C1GALT1: variants seen among roughly 807,000 people sequenced by gnomAD.
C1GALT1 encodes the protein glycoprotein-N-acetylgalactosamine 3-beta-galactosyltransferase 1.
Under a neutral mutation model 31.0 loss-of-function variants are expected in C1GALT1, and 11 were observed. That is an observed-to-expected ratio of 0.36 (90% CI 0.22 to 0.59). The LOEUF (loss-of-function observed/expected upper bound fraction) is 0.59, where lower values mean the gene tolerates loss of function less well. Ranked by LOEUF, C1GALT1 falls within the 20% of genes least tolerant of loss-of-function variation. The pLI is 0.79. For missense variants in C1GALT1, 424 were observed against 425.2 expected, an observed-to-expected ratio of 1.00 and a Z score of 0.03; for synonymous variants, 175 against 143.6, an observed-to-expected ratio of 1.22 and a Z score of -1.56.
intron 1 of C1GALT1, among the ~76,000 whole-genome samples, chr7:7,227,241 T>C (rs1157798742): frequency 1.3e-5 from 2 of 152,208 alleles, no homozygotes; most frequent in Non-Finnish European, 2.9e-5. Flanking sequence ...TGTAGGGTTA[T>C]GGTTTGAATA....
chr7:7,229,395 C>G (rs898032536), intron 1 of C1GALT1, among the ~76,000 whole-genome samples: 1 of 152,154 alleles, frequency 6.6e-6, no homozygotes, highest in African/African-American at 2.4e-5. Flanking sequence ...TCGTATTCTG[C>G]TTGTCTTCCT....
At chr7:7,225,562 T>TTTTG (rs1467899941) in intron 1 of C1GALT1, among the ~76,000 whole-genome samples, 2 of 152,226 alleles carry the variant, frequency 1.3e-5, no homozygotes, top group African/African-American at 2.4e-5. Context: ...ATAAATTTAT[T>TTTTG]TTTGTTTGTT....
At chr7:7,178,933 G>C (rs898285057), upstream of C1GALT1, among the ~76,000 whole-genome samples, 3 of 152,180 alleles carry the variant, frequency 2.0e-5, no homozygotes, top group African/African-American at 7.2e-5. Context: ...CACCTTAGCT[G>C]AATGGTTCTG....
intron 1 of C1GALT1, among the ~76,000 whole-genome samples, chr7:7,216,695 A>T (rs964416343): frequency 2.6e-5 from 4 of 152,222 alleles, no homozygotes; most frequent in African/African-American, 9.6e-5. Context: ...GACAGAATAG[A>T]TGCCTTAAAA....
At chr7:7,222,269 T>TA (rs1238370661) in intron 1 of C1GALT1, among the ~76,000 whole-genome samples, 1 of 152,246 alleles carries the variant, frequency 6.6e-6, no homozygotes, top group East Asian at 1.9e-4. Context: ...ATCAAACTTT[T>TA]ATATTAAAGA....
intron 3 of C1GALT1, among the ~76,000 whole-genome samples, chr7:7,239,537 A>G (rs776738200): frequency 6.6e-6 from 1 of 152,208 alleles, no homozygotes; most frequent in Non-Finnish European, 1.5e-5. Flanking sequence ...CTTGGATGAC[A>G]TCTGAGCTTC....
At chr7:7,188,637 C>T (rs889146082) in intron 1 of C1GALT1, among the ~76,000 whole-genome samples, 4 of 152,038 alleles carry the variant, frequency 2.6e-5, no homozygotes, top group Non-Finnish European at 4.4e-5. Context: ...AGTGCTAGTT[C>T]CCAGAGATAG....
At chr7:7,167,593 T>C (rs1780412139) in intron 2 of C1GALT1, among the ~76,000 whole-genome samples, 1 of 152,094 alleles carries the variant, frequency 6.6e-6, no homozygotes, top group Non-Finnish European at 1.5e-5. Flanking sequence ...TGTTCATTTT[T>C]TTTTTCTCCA....
At chr7:7,190,457 C>T (rs907322971) in intron 1 of C1GALT1, among the ~76,000 whole-genome samples, 1 of 152,126 alleles carries the variant, frequency 6.6e-6, no homozygotes, top group African/African-American at 2.4e-5. Context: ...TATAAAATTT[C>T]AAATAACATA....
chr7:7,167,011 T>G (rs1202167169), intron 2 of C1GALT1, among the ~76,000 whole-genome samples: 1 of 152,150 alleles, frequency 6.6e-6, no homozygotes, highest in Non-Finnish European at 1.5e-5. Context: ...ATTTTATGAT[T>G]TGAATTGAGG....
intron 1 of C1GALT1, among the ~76,000 whole-genome samples, chr7:7,201,830 A>T (rs112492884): frequency 0.027 from 4,139 of 152,112 alleles, 106 homozygotes; most frequent in African/African-American, 0.071. Flanking sequence ...TGCTTTCTGC[A>T]CTGCCTGTTT....
intron 3 of C1GALT1, among the ~76,000 whole-genome samples, chr7:7,241,204 ATAT>A (rs1459725937): frequency 6.6e-6 from 1 of 152,040 alleles, no homozygotes; most frequent in Admixed American, 6.6e-5. Context: ...TATCTGAAAC[ATAT>A]TAGTACATAA....
rs1783917354 is a variant in C1GALT1, at chr7:7,248,032, A to G, written c.*4305A>G. On this transcript the variant is annotated 3_prime_UTR_variant, in exon 4 of 4. Transcript: ENST00000436587. ...CCCTTTTCTCAAAAACAACAACAAA[A>G]AACAAAACTCATTTTATTTTTCTAC... 6.6e-6 allele frequency: 1 copy of G among 152,066 alleles called. No individual in the cohort carries two copies. Among genetic ancestry groups the G allele is most frequent in the Non-Finnish European group, 1.5e-5 (1 of 67,920 alleles). 9.4% of individuals were successfully genotyped at this position (152,066 alleles called of 1,614,324 possible). A position where few individuals can be genotyped will look rare whatever the true frequency, so the allele number is the denominator to read the frequency against.
chr7:7,163,424 C>G (rs1780359526), intron 2 of C1GALT1, among the ~76,000 whole-genome samples: 1 of 152,172 alleles, frequency 6.6e-6, no homozygotes, highest in South Asian at 2.1e-4. Context: ...GATGCCCTCT[C>G]TCACCACTCC....
intron 1 of C1GALT1, 48 bp from the exon 2 acceptor site, chr7:7,234,255 G>A (rs1053608739): frequency 1.5e-6 from 2 of 1,376,926 alleles, no homozygotes; most frequent in Non-Finnish European, 2.0e-6. Context: ...CTCCGGTTAT[G>A]TATACAGCTT....
chr7:7,218,426 ATAG>A (rs1410748542), intron 1 of C1GALT1, among the ~76,000 whole-genome samples: 1 of 152,202 alleles, frequency 6.6e-6, no homozygotes, highest in Non-Finnish European at 1.5e-5. Flanking sequence ...TTGTTTGCAG[ATAG>A]TAGTAAAATT....
At chr7:7,182,391 G>C (rs1583735838), upstream of C1GALT1, among the ~76,000 whole-genome samples, 1 of 152,194 alleles carries the variant, frequency 6.6e-6, no homozygotes, top group South Asian at 2.1e-4. Flanking sequence ...TCTACTGCTC[G>C]TGCAAGATCC....
intron 1 of C1GALT1, among the ~76,000 whole-genome samples, chr7:7,201,792 G>A (rs994965154): frequency 6.6e-6 from 1 of 152,142 alleles, no homozygotes; most frequent in African/African-American, 2.4e-5. Flanking sequence ...CAGGTTTCAC[G>A]CTTCCCTACC....
Position 7,207,335 on chromosome 7 carries a change from CTTTTTTTTTTTTT to C in C1GALT1, c.-18+24533_-18+24545del, listed in dbSNP as rs57510429. On this transcript the variant is annotated intron_variant, in intron 1 of 3. Coordinates refer to ENST00000436587, the MANE Select transcript of C1GALT1 (RefSeq NM_020156.5). ...TCTCTGTGTTTCTCTTACTCTGTTG[CTTTTTTTTTTTTT>C]TTTTTTTTTTTTTTTTTGAGGTCTC... is the stretch of plus-strand genomic sequence containing the variant. Among the ~76,000 whole-genome samples the C allele has an allele frequency of 1.4e-3, 65 of 48,008 alleles. 1 individual carries two copies. Among genetic ancestry groups the C allele is most frequent in the African/African-American group, 3.5e-3 (44 of 12,504 alleles). 31.5% of individuals were successfully genotyped at this position (48,008 alleles called of 152,430 possible).
Sources: allele counts gnomAD v4.1 joint callset (sites outside exome capture counted in the v4.1 genomes callset), GRCh38; gene constraint gnomAD v4.1.1; transcripts MANE v1.5; gene names NCBI Gene and HGNC (gene_info 2026-07-23, HGNC 2026-07-21).